UBE3B: variants seen among roughly 807,000 people sequenced by gnomAD.
UBE3B encodes the protein ubiquitin protein ligase E3B.
In UBE3B, 80 loss-of-function variants were observed where a neutral mutation model predicts 132.3. The observed-to-expected ratio is 0.60, with a 90% confidence interval of 0.50 to 0.73. The LOEUF (loss-of-function observed/expected upper bound fraction) is 0.73. UBE3B is among the 30% of genes least tolerant of loss of function. The pLI, the probability that UBE3B is intolerant of heterozygous loss-of-function variation, is 0.00. For synonymous variants in UBE3B, 487 were observed against 520.4 expected, an observed-to-expected ratio of 0.94 and a Z score of 0.87; for missense variants, 1,196 against 1,362.5, an observed-to-expected ratio of 0.88 and a Z score of 1.92.
At chr12:109,547,292 G>C in the UBE3B span, among the ~76,000 whole-genome samples, 2 of 152,176 alleles carry the variant, frequency 1.3e-5, no homozygotes, top group African/African-American at 2.4e-5. The surrounding 1 kb of genome is among the most constrained non-coding windows in gnomAD (Gnocchi z 4.1). Context: ...TCACGACCTG[G>C]AGCAAGTCAC....
At chr12:109,518,054 C>A in intron 19 of UBE3B, 2 of 343,964 alleles carry the variant, frequency 5.8e-6, no homozygotes, top group South Asian at 2.2e-5. Context: ...GCCCTGCAGG[C>A]CATGTGAAGG....
At chr12:109,530,525 C>G (rs1377407824) in intron 25 of UBE3B, 22 bp from the exon 26 acceptor site, 1 of 1,609,734 alleles carries the variant, frequency 6.2e-7, no homozygotes, top group Non-Finnish European at 8.5e-7. Context: ...CATTGCTGAG[C>G]CCAGGTCTGT....
chr12:109,503,221 T>G, intron 14 of UBE3B, 31 bp downstream of exon 14: 1 of 1,600,376 alleles, frequency 6.2e-7, no homozygotes, highest in East Asian at 2.2e-5. Flanking sequence ...CTTCTTCACC[T>G]CTCACATTTG....
intron 8 of UBE3B, chr12:109,490,468 C>T (rs964129323): frequency 6.5e-7 from 1 of 1,535,338 alleles, no homozygotes; most frequent in Admixed American, 2.0e-5. Flanking sequence ...GTAATGTTGA[C>T]TTTGCCCTTC....
chr12:109,505,705 A>G (rs140774225), intron 14 of UBE3B, among the ~76,000 whole-genome samples: 178 of 152,328 alleles, frequency 1.2e-3, no homozygotes, highest in Non-Finnish European at 2.1e-3. Context: ...TGTGAGGTCT[A>G]AGCTCTAGGC....
In UBE3B at chr12:109,524,125, G is replaced by A. The variant is rs1329412281; in HGVS notation, c.2502+10G>A. ...CCTCACCTCCATCAAGGTGAGCATG[G>A]AATGGTGGGTGAGCTAAGCCGAGCA... On this transcript the variant is annotated intron_variant, in intron 22 of 27. Transcript: ENST00000342494. The A allele has an allele frequency of 3.1e-6, 5 of 1,613,900 alleles. No individual in the cohort carries two copies. Among genetic ancestry groups the A allele is most frequent in the Non-Finnish European group, 4.2e-6 (5 of 1,180,000 alleles).
chr12:109,504,214 G>A (rs181725590), intron 14 of UBE3B, among the ~76,000 whole-genome samples: 41 of 152,296 alleles, frequency 2.7e-4, no homozygotes, highest in African/African-American at 7.7e-4. Flanking sequence ...TGTGTGTTTT[G>A]GGATGTTTAG....
chr12:109,541,798 G>C, the UBE3B span, among the ~76,000 whole-genome samples: 1 of 152,176 alleles, frequency 6.6e-6, no homozygotes, highest in Admixed American at 6.5e-5. Flanking sequence ...GGTGGCCCCT[G>C]CGTGCTTGGC....
chr12:109,486,586 A>C lies in UBE3B; in HGVS notation c.447+11A>C, dbSNP rs754879316. On this transcript the variant is annotated intron_variant, in intron 6 of 27. Transcript: ENST00000342494. Reference sequence around the variant, plus strand: ...CTCAAGCAGCTCAAGGTAACAAAAAAAAAAAAAAAAAAAAAAAGCAAAACC... The same window carrying C: ...CTCAAGCAGCTCAAGGTAACAAAAACAAAAAAAAAAAAAAAAAGCAAAACC... The C allele has an allele frequency of 9.5e-6, 12 of 1,268,000 alleles. No individual in the cohort carries two copies. The highest frequency in any genetic ancestry group is 3.0e-5 in the African/African-American group (2 of 66,320). 78.5% of individuals were successfully genotyped at this position (1,268,000 alleles called of 1,614,324 possible). A position where few individuals can be genotyped will look rare whatever the true frequency, so the allele number is the denominator to read the frequency against.
chr12:109,529,028 G>T (rs1263004457), intron 24 of UBE3B, among the ~76,000 whole-genome samples: 1 of 152,032 alleles, frequency 6.6e-6, no homozygotes, highest in Non-Finnish European at 1.5e-5. Context: ...GGGTGTGGTG[G>T]TGCATGCCTG....
chr12:109,530,082 G>A lies in UBE3B; in HGVS notation c.2810+10G>A, dbSNP rs765830183. ...ATCTGGAAGATTTAAAGTAAGAGGCGGGTGGGGGGAAGGGTGAAATTCCTT... is the reference window on the plus strand; with the variant it reads ...ATCTGGAAGATTTAAAGTAAGAGGCAGGTGGGGGGAAGGGTGAAATTCCTT... On this transcript the variant is annotated intron_variant, in intron 25 of 27. Transcript: ENST00000342494. The A allele has an allele frequency of 8.1e-6, 13 of 1,612,312 alleles. No homozygotes were observed. The highest frequency in any genetic ancestry group is 2.7e-5 in the African/African-American group (2 of 74,900).
At chr12:109,516,201 T>TCACTCTG (rs1399621613) in intron 18 of UBE3B, among the ~76,000 whole-genome samples, 1 of 133,022 alleles carries the variant, frequency 7.5e-6, no homozygotes, top group Non-Finnish European at 1.6e-5. Context: ...AGACAGAGTC[T>TCACTCTG]CACTCTGTCC....
rs569538291 is a variant in UBE3B at position 109,524,397 on chromosome 12, G to A, written c.2503-41G>A. The stretch of plus-strand genomic sequence containing the variant: ...GGGTTAAACCTCTTAAGCACATAGT[G>A]CTCCATGGCCCTAACACTTTCCCCT... On this transcript the variant is annotated intron_variant, in intron 22 of 27. Coordinates refer to ENST00000342494, the MANE Select transcript of UBE3B (RefSeq NM_130466.4). 8.7e-6 allele frequency: 14 copies of A among 1,611,470 alleles called. No individual in the cohort carries two copies. In the South Asian group the frequency reaches 1.5e-4, roughly 18 times the overall value.
intron 19 of UBE3B, chr12:109,518,145 G>A (rs563002842): frequency 7.8e-5 from 16 of 205,288 alleles, no homozygotes; most frequent in Middle Eastern, 6.3e-4. Flanking sequence ...CCACTTCTGC[G>A]CCCTCCTGTT....
chr12:109,508,685 C>G, intron 15 of UBE3B: 1 of 985,582 alleles, frequency 1.0e-6, no homozygotes, highest in Non-Finnish European at 1.2e-6. Flanking sequence ...AGGGGTCTAG[C>G]TGCTGGTGAA....
rs1221187618 is a variant in UBE3B at position 109,530,583 on chromosome 12, TCA to T, written c.2850_2851del (p.His950GlnfsTer18). 9 of 1,614,072 alleles carry T rather than the reference TCA, an allele frequency of 5.6e-6. No homozygotes were observed. Among genetic ancestry groups the T allele is most frequent in the South Asian group, 1.1e-5 (1 of 91,082 alleles). On this transcript the variant is annotated frameshift_variant, in exon 26 of 28. Coordinates refer to ENST00000342494, the MANE Select transcript of UBE3B (RefSeq NM_130466.4). LOFTEE classifies it high-confidence loss of function. Reference sequence around the variant, plus strand: ...TCTACTACGGTGGTTTCCATGGAAGTCACAGAGTCATCATCTGGCTCTGGGAT... The same window carrying T: ...TCTACTACGGTGGTTTCCATGGAAGTCAGAGTCATCATCTGGCTCTGGGAT... ...TVYYGGFHGS[H>X]RVIIWLWDIL...
At chr12:109,530,941 G>C (rs1882878246) in intron 26 of UBE3B, among the ~76,000 whole-genome samples, 1 of 152,184 alleles carries the variant, frequency 6.6e-6, no homozygotes, top group Admixed American at 6.5e-5. Flanking sequence ...CTTTGCCTAT[G>C]CTGGCCTTGA....
chr12:109,534,284 C>A lies in UBE3B; in HGVS notation c.3016-307C>A. On this transcript the variant is annotated intron_variant, in intron 27 of 27. Transcript: ENST00000342494. This position sits in a 1 kb window ranked among gnomAD's most constrained non-coding sequence, Gnocchi z 5.2. Reference sequence around the variant, plus strand: ...ATGTTTGGGCACCTAACAGTTTTTACAGCATTCTACTTTTTGTCAATTGGT... The same window carrying A: ...ATGTTTGGGCACCTAACAGTTTTTAAAGCATTCTACTTTTTGTCAATTGGT... The A allele has an allele frequency of 7.4e-7, 1 of 1,356,276 alleles. No homozygotes were observed. The highest frequency in any genetic ancestry group is 9.5e-7 in the Non-Finnish European group (1 of 1,051,142). The allele number at this position is 1,356,276 out of a possible 1,614,324, so 84.0% of individuals were successfully genotyped here.
At chr12:109,528,605 G>C (rs1186430298) in intron 24 of UBE3B, 1 of 646,044 alleles carries the variant, frequency 1.5e-6, no homozygotes, top group East Asian at 1.4e-4. Context: ...TGTAATCCCA[G>C]CACTTTGGGA....
Sources: allele counts gnomAD v4.1 joint callset (sites outside exome capture counted in the v4.1 genomes callset), GRCh38; gene constraint gnomAD v4.1.1; non-coding constraint Gnocchi (gnomAD v3.1); transcripts MANE v1.5; gene names NCBI Gene and HGNC (gene_info 2026-07-23, HGNC 2026-07-21).